TP53BP1: variants seen among roughly 807,000 people sequenced by gnomAD.
The protein encoded by TP53BP1 is TP53-binding protein 1.
A neutral mutation model predicts 200.8 loss-of-function variants in TP53BP1; 61 were observed. The ratio of observed to expected loss-of-function variants is 0.30; its 90% CI spans 0.25 to 0.38. The LOEUF is 0.38. Among genes scored for constraint, TP53BP1 ranks in the 10% least tolerant of loss-of-function variants. The pLI is 1.00. For missense variants in TP53BP1, 2,144 were observed against 2,371.9 expected (o/e 0.90, Z 2.00); for synonymous variants, 822 against 844.3 (o/e 0.97, Z 0.46).
At chr15:43,412,913 C>A in intron 24 of TP53BP1, 1 of 610,394 alleles carries the variant, frequency 1.6e-6, no homozygotes. Flanking sequence ...GGATTGTTTT[C>A]AGGAACCACT....
Position 43,404,780 on chromosome 15 carries a change from G to C in TP53BP1, c.*2603C>G. 3.6e-6 allele frequency: 2 copies of C among 554,392 alleles called. No individual in the cohort carries two copies. Among genetic ancestry groups the C allele is most frequent in the Admixed American group, 3.2e-5 (1 of 31,308 alleles). 34.3% of individuals were successfully genotyped at this position (554,392 alleles called of 1,614,324 possible). A position where few individuals can be genotyped will look rare whatever the true frequency, so the allele number is the denominator to read the frequency against. On this transcript the variant is annotated 3_prime_UTR_variant, in exon 28 of 28. Transcript: ENST00000382044. The stretch of plus-strand genomic sequence containing the variant: ...AACCTGACAGTGAGATAGGTGTTAA[G>C]TCCTTTGCTAGGTTATGTATTGCTA...
intron 4 of TP53BP1, among the ~76,000 whole-genome samples, chr15:43,484,960 G>C (rs1278501309): frequency 6.6e-6 from 1 of 151,844 alleles, no homozygotes; most frequent in Non-Finnish European, 1.5e-5. Context: ...ATGTTGTCCA[G>C]GCTGCTCTCA....
At chr15:43,458,042 A>G (rs950203356) in intron 11 of TP53BP1, among the ~76,000 whole-genome samples, 1 of 152,058 alleles carries the variant, frequency 6.6e-6, no homozygotes, top group African/African-American at 2.4e-5. Flanking sequence ...AATAATACTA[A>G]TAATAATAAA....
chr15:43,473,289 T>TTTA (rs2140101956), intron 10 of TP53BP1, among the ~76,000 whole-genome samples: 1 of 152,230 alleles, frequency 6.6e-6, no homozygotes, highest in East Asian at 1.9e-4. Flanking sequence ...GCAGCCTGCT[T>TTTA]TTATTCTCTT....
Position 43,475,576 on chromosome 15 carries a change from G to C in TP53BP1, c.1074C>G (p.Asp358Glu), listed in dbSNP as rs560191. The C allele has an allele frequency of 0.34, 548,313 of 1,613,084 alleles. 107,421 individuals carry two copies. Among genetic ancestry groups the C allele is most frequent in the African/African-American group, 0.88 (65,805 of 74,986 alleles). The change falls in exon 9 of 28, where the codon GAC becomes GAG. Residue 358 changes from aspartate to glutamate, a missense_variant. Physicochemically the swap from Asp to Glu is conservative, Grantham distance 45. This residue lies in a region of TP53BP1 where 1,700 missense variants were observed against 1,710.3 expected (regional missense o/e 0.99). Transcript: ENST00000382044. ...QLSGQRSLVQDSLSTNSSDLV... is the reference protein window; with the variant it reads ...QLSGQRSLVQESLSTNSSDLV... ...TTAGGCTTACTTACGTGGAAAGACT[G>C]TCCTGAACAAGGGACCTCTGACCAG...
At position 43,420,525 on chromosome 15, in the gene TP53BP1, T is replaced by C. The variant is rs1388294392; in HGVS notation, c.4461A>G (p.Pro1487=). ...GPSDGLDASS[P]GNSFVGLRVV... Reference sequence around the variant, plus strand: ...CACGGAGCCCTACAAAGCTATTTCCTGGAGAGGAGGCATCTAAGCCATCAG... The same window carrying C: ...CACGGAGCCCTACAAAGCTATTTCCCGGAGAGGAGGCATCTAAGCCATCAG... The change falls in exon 21 of 28, where the codon CCA becomes CCG. Residue 1487 remains proline (P), a synonymous_variant. Coordinates refer to ENST00000382044, the MANE Select transcript of TP53BP1 (RefSeq NM_001141980.3). The C allele has an allele frequency of 2.5e-6, 4 of 1,614,048 alleles. No individual in the cohort carries two copies. Among genetic ancestry groups the C allele is most frequent in the Non-Finnish European group, 3.4e-6 (4 of 1,180,040 alleles).
At chr15:43,416,129 A>G (rs2142978525) in intron 22 of TP53BP1, 96 bp downstream of exon 22, 2 of 1,180,744 alleles carry the variant, frequency 1.7e-6, no homozygotes, top group Non-Finnish European at 2.4e-6. Flanking sequence ...AGGAATAATA[A>G]AAGTTAGGGA....
At chr15:43,475,779 CCATATTTCCAA>C in intron 8 of TP53BP1, 85 bp from the exon 9 acceptor site, 4 of 1,462,314 alleles carry the variant, frequency 2.7e-6, no homozygotes, top group South Asian at 2.5e-5. Context: ...AGAGTAATAT[CCATATTTCCAA>C]CATATTTCCA....
At chr15:43,418,468 T>C (rs1420879655) in intron 21 of TP53BP1, among the ~76,000 whole-genome samples, 2 of 149,448 alleles carry the variant, frequency 1.3e-5, no homozygotes, top group Non-Finnish European at 3.0e-5. Context: ...CGCCACTCAC[T>C]GCACTCCAGT....
chr15:43,479,651 C>CA (rs2078934626), intron 6 of TP53BP1, 125 bp from the exon 7 acceptor site: 1 of 1,200,442 alleles, frequency 8.3e-7, no homozygotes, highest in Admixed American at 2.5e-5. Context: ...ATACAGGCAT[C>CA]AGTCTATAAA....
At chr15:43,471,350 G>C (rs1277997012) in intron 10 of TP53BP1, among the ~76,000 whole-genome samples, 1 of 151,936 alleles carries the variant, frequency 6.6e-6, no homozygotes. Flanking sequence ...AGTATCACAG[G>C]TGATTTTTAT....
Position 43,477,648 on chromosome 15 carries a change from T to C in TP53BP1, c.900A>G (p.Pro300=), listed in dbSNP as rs2078903696. The C allele has an allele frequency of 6.2e-7, 1 of 1,613,924 alleles. No homozygotes were observed. Among genetic ancestry groups the C allele is most frequent in the South Asian group, 1.1e-5 (1 of 91,034 alleles). The change falls in exon 8 of 28, where the codon CCA becomes CCG. Residue 300 remains proline (P), a synonymous_variant. Coordinates refer to ENST00000382044, the MANE Select transcript of TP53BP1 (RefSeq NM_001141980.3). The part of the protein sequence containing the change: ...MESGLQIQKS[P]EPEVLSTQED... ...CCTGAGTTGACAAAACCTCAGGCTC[T>C]GGTGACTTCTGAATCTGCAGTCCAC...
At chr15:43,498,034 TAATTCATTAAGAGGC>T (rs752937661), upstream of TP53BP1, among the ~76,000 whole-genome samples, 8 of 152,232 alleles carry the variant, frequency 5.3e-5, no homozygotes, top group Non-Finnish European at 8.8e-5. Context: ...AGTGGGGTTG[TAATTCATTAAGAGGC>T]ATGTGAGGTG....
In TP53BP1 at chr15:43,404,080, A is replaced by C; in HGVS notation, c.*3303T>G. Reference sequence around the variant, plus strand: ...CTTCCTCACATCCTCCCCCCTCCTTACTTCCTTGAACTAACCCCCATCTCA... The same window carrying C: ...CTTCCTCACATCCTCCCCCCTCCTTCCTTCCTTGAACTAACCCCCATCTCA... On this transcript the variant is annotated 3_prime_UTR_variant, in exon 28 of 28. Transcript: ENST00000382044. The C allele has an allele frequency of 2.0e-6, 1 of 507,204 alleles. No individual in the cohort carries two copies. The highest frequency in any genetic ancestry group is 3.5e-6 in the Non-Finnish European group (1 of 285,008). The allele number at this position is 507,204 out of a possible 1,614,324, so 31.4% of individuals were successfully genotyped here. A position where few individuals can be genotyped will look rare whatever the true frequency, so the allele number is the denominator to read the frequency against.
chr15:43,449,824 A>G (rs964747892), intron 12 of TP53BP1, among the ~76,000 whole-genome samples: 3 of 152,184 alleles, frequency 2.0e-5, no homozygotes, highest in South Asian at 4.1e-4. Context: ...GTAGCAGCCT[A>G]TATCTCCAGT....
At chr15:43,446,299 G>C in intron 14 of TP53BP1, 88 bp downstream of exon 14, 1 of 986,470 alleles carries the variant, frequency 1.0e-6, no homozygotes, top group Non-Finnish European at 1.5e-6. Context: ...TATAAATATA[G>C]AAGTATCAAT....
chr15:43,413,401 C>A, intron 23 of TP53BP1, 67 bp from the exon 24 acceptor site: 1 of 1,320,016 alleles, frequency 7.6e-7, no homozygotes, highest in East Asian at 2.5e-5. Context: ...GCCTTAACAC[C>A]AAAAGGCCCC....
intron 15 of TP53BP1, 73 bp from the exon 16 acceptor site, chr15:43,438,489 G>T: frequency 7.8e-7 from 1 of 1,277,324 alleles, no homozygotes; most frequent in Non-Finnish European, 1.1e-6. Context: ...ATCCTTTTAT[G>T]CACAGAGGAA....
chr15:43,416,592 A>T (rs571492572), intron 21 of TP53BP1, 176 bp from the exon 22 acceptor site: 1 of 533,630 alleles, frequency 1.9e-6, no homozygotes, highest in South Asian at 3.0e-5. Flanking sequence ...CTTAGGATAT[A>T]TGTAGCTACT....
Sources: allele counts gnomAD v4.1 joint callset (sites outside exome capture counted in the v4.1 genomes callset), GRCh38; gene constraint gnomAD v4.1.1; regional missense constraint gnomAD v4.1.1; transcripts MANE v1.5; gene names NCBI Gene and HGNC (gene_info 2026-07-23, HGNC 2026-07-21).